The following TBX15 variants were observed in gnomAD, a reference collection of about 807,000 sequenced individuals.
TBX15 encodes T-box transcription factor TBX15.
Under a neutral mutation model 53.9 loss-of-function variants are expected in TBX15, and 18 were observed. The observed-to-expected ratio is 0.33, with a 90% CI of 0.23 to 0.49. The LOEUF is 0.49. Among genes scored for constraint, TBX15 ranks in the 20% least tolerant of loss-of-function variants. The probability of loss-of-function intolerance (pLI) is 0.98; values close to 1 mark genes in which losing one functional copy is unlikely to be tolerated. For missense variants in TBX15, 692 were observed against 749.5 expected (o/e 0.92, Z 0.90); for synonymous variants, 295 against 278.0 (o/e 1.06, Z -0.61).
At chr1:118,914,025 T>G in intron 6 of TBX15, 90 bp downstream of exon 6, 8 of 1,366,510 alleles carry the variant, frequency 5.9e-6, no homozygotes, top group Non-Finnish European at 8.3e-6. Flanking sequence ...ACAGGTGTTT[T>G]CTAAAAGGCA....
At chr1:118,935,969 T>C (rs1441343610) in intron 1 of TBX15, among the ~76,000 whole-genome samples, 1 of 152,158 alleles carries the variant, frequency 6.6e-6, no homozygotes, top group East Asian at 1.9e-4. Flanking sequence ...CCTGATCCAA[T>C]GGTCAGATCT....
At chr1:118,940,654 AG>A (rs1255319124) in intron 1 of TBX15, among the ~76,000 whole-genome samples, 1 of 151,798 alleles carries the variant, frequency 6.6e-6, no homozygotes, top group East Asian at 1.9e-4. Flanking sequence ...TGTATATGAA[AG>A]CACTTCATAA....
At chr1:118,989,005 G>C (rs1248928499), upstream of TBX15, among the ~76,000 whole-genome samples, 1 of 152,206 alleles carries the variant, frequency 6.6e-6, no homozygotes, top group Non-Finnish European at 1.5e-5. Flanking sequence ...GGCGGAGCGC[G>C]GGGTTTAGGG....
At chr1:118,905,677 A>G (rs1654793303) in intron 6 of TBX15, among the ~76,000 whole-genome samples, 1 of 152,218 alleles carries the variant, frequency 6.6e-6, no homozygotes, top group Non-Finnish European at 1.5e-5. Context: ...GGATAACAAA[A>G]GGGTTTGCAA....
intron 1 of TBX15, among the ~76,000 whole-genome samples, chr1:118,978,521 A>G (rs1325743727): frequency 6.6e-6 from 1 of 152,198 alleles, no homozygotes; most frequent in African/African-American, 2.4e-5. Flanking sequence ...CTTTTTTTCA[A>G]CATTAATATG....
At chr1:118,892,718 T>C (rs989335633) in intron 7 of TBX15, among the ~76,000 whole-genome samples, 2 of 152,218 alleles carry the variant, frequency 1.3e-5, no homozygotes, top group Non-Finnish European at 2.9e-5. Context: ...TTTAATTTAC[T>C]ATTCTTGTCA....
intron 1 of TBX15, among the ~76,000 whole-genome samples, chr1:118,932,630 C>G (rs948243026): frequency 2.6e-5 from 4 of 151,980 alleles, no homozygotes; most frequent in African/African-American, 9.7e-5. Flanking sequence ...TGAGAGCAAC[C>G]AAATAAAAAG....
rs756916780 is a variant in TBX15 at position 118,900,256 on chromosome 1, C to A, written c.927-1131G>T. On this transcript the variant is annotated intron_variant, in intron 6 of 7. Transcript: ENST00000369429. ...ACTGGAAGGTGGGTGGTATGGCATCCCTTCCTGAAATGGATTAGCTTCCCC... is the reference window on the plus strand; with the variant it reads ...ACTGGAAGGTGGGTGGTATGGCATCACTTCCTGAAATGGATTAGCTTCCCC... Among the ~76,000 whole-genome samples, 209 of 152,244 alleles carry A rather than the reference C, an allele frequency of 1.4e-3. 1 individual carries two copies. Among genetic ancestry groups the A allele is most frequent in the Non-Finnish European group, 1.5e-3 (100 of 68,002 alleles).
At chr1:118,968,266 G>A (rs1657119972) in intron 1 of TBX15, among the ~76,000 whole-genome samples, 1 of 152,118 alleles carries the variant, frequency 6.6e-6, no homozygotes, top group Non-Finnish European at 1.5e-5. Context: ...CCAGGCTGGA[G>A]TGCAGTGGCG....
chr1:118,957,047 A>G (rs1307196405), intron 1 of TBX15, among the ~76,000 whole-genome samples: 1 of 152,210 alleles, frequency 6.6e-6, no homozygotes, highest in Admixed American at 6.5e-5. Flanking sequence ...ACAAAGCTGA[A>G]GATTCCGAAT....
chr1:118,907,961 C>A (rs995168421), intron 6 of TBX15, among the ~76,000 whole-genome samples: 1 of 152,112 alleles, frequency 6.6e-6, no homozygotes, highest in African/African-American at 2.4e-5. Context: ...CAGAGGGTCT[C>A]AAGGGTGTGT....
At chr1:118,944,140 C>T (rs763782378) in intron 1 of TBX15, among the ~76,000 whole-genome samples, 1 of 152,192 alleles carries the variant, frequency 6.6e-6, no homozygotes, top group Non-Finnish European at 1.5e-5. Context: ...CCCACCCTCA[C>T]ATCCCAACTT....
At chr1:118,982,737 T>G (rs1340904113) in intron 1 of TBX15, among the ~76,000 whole-genome samples, 1 of 152,218 alleles carries the variant, frequency 6.6e-6, no homozygotes, top group Non-Finnish European at 1.5e-5. Context: ...ATGGGAGGTG[T>G]CAGAAAAATG....
At chr1:118,933,821 A>G (rs796358755) in intron 1 of TBX15, among the ~76,000 whole-genome samples, 5 of 152,336 alleles carry the variant, frequency 3.3e-5, no homozygotes, top group African/African-American at 1.2e-4. Context: ...TTTTTAAAAT[A>G]TATTATTGTC....
intron 1 of TBX15, among the ~76,000 whole-genome samples, chr1:118,986,653 G>A (rs1557911838): frequency 6.6e-6 from 1 of 152,168 alleles, no homozygotes; most frequent in Non-Finnish European, 1.5e-5. Context: ...CGTGTGAAGC[G>A]GGGTCTACTC....
In TBX15 at chr1:118,959,024, C is replaced by CAGAGAGAGAGAGAG. The variant is rs10563585; in HGVS notation, c.206-27206_206-27193dup. Among the ~76,000 whole-genome samples, 1,360 of 144,444 alleles carry CAGAGAGAGAGAGAG rather than the reference C, an allele frequency of 9.4e-3. 17 individuals are homozygous for CAGAGAGAGAGAGAG. The highest frequency in any genetic ancestry group is 0.053 in the East Asian group (241 of 4,546). 94.8% of individuals were successfully genotyped at this position (144,444 alleles called of 152,430 possible). On this transcript the variant is annotated intron_variant, in intron 1 of 7. Coordinates refer to ENST00000369429, the MANE Select transcript of TBX15 (RefSeq NM_001330677.2). ...TAGTGGTCATCAGAAGGTATAATAT[C>CAGAGAGAGAGAGAG]AGAGAGAGAGAGAGAGAGAGAGAGA... is the stretch of plus-strand genomic sequence containing the variant.
intron 1 of TBX15, among the ~76,000 whole-genome samples, chr1:118,982,087 G>A (rs566885791): frequency 1.6e-4 from 25 of 152,146 alleles, no homozygotes; most frequent in Non-Finnish European, 2.9e-4. Context: ...GAGTAAGAAA[G>A]CAATAACCAG....
rs545261251 is a variant in TBX15, at chr1:118,915,045, G to T, written c.862-866C>A. Among the ~76,000 whole-genome samples, 9 of 152,260 alleles carry T rather than the reference G, an allele frequency of 5.9e-5. No individual in the cohort carries two copies. In the South Asian group the frequency reaches 1.9e-3, roughly 32 times the overall value. ...CCATGGTTGTATATATTGCCCTCAT[G>T]CCTGTAGACTAGAACAAGCCTGAAC... On this transcript the variant is annotated intron_variant, in intron 5 of 7. Coordinates refer to ENST00000369429, the MANE Select transcript of TBX15 (RefSeq NM_001330677.2).
At chr1:118,902,153 T>C (rs561105626) in intron 6 of TBX15, among the ~76,000 whole-genome samples, 4 of 152,280 alleles carry the variant, frequency 2.6e-5, no homozygotes, top group African/African-American at 9.6e-5. Context: ...CATAGATTTA[T>C]ATTATTGATT....
Sources: allele counts gnomAD v4.1 joint callset (sites outside exome capture counted in the v4.1 genomes callset), GRCh38; gene constraint gnomAD v4.1.1; transcripts MANE v1.5; gene names NCBI Gene and HGNC (gene_info 2026-07-23, HGNC 2026-07-21).